MACROD2: variants seen among roughly 807,000 people sequenced by gnomAD.
MACROD2 encodes ADP-ribose glycohydrolase MACROD2.
In MACROD2, 36 loss-of-function variants were observed where a neutral mutation model predicts 70.4. The ratio of observed to expected loss-of-function variants is 0.51; its 90% CI spans 0.39 to 0.68. The LOEUF (loss-of-function observed/expected upper bound fraction) is 0.68, where lower values mean the gene tolerates loss of function less well. Ranked by LOEUF, MACROD2 falls within the 30% of genes least tolerant of loss-of-function variation. The pLI is 0.00. For missense variants in MACROD2, 496 were observed against 538.4 expected (o/e 0.92, Z 0.78); for synonymous variants, 172 against 178.8 (o/e 0.96, Z 0.30).
intron 5 of MACROD2, among the ~76,000 whole-genome samples, chr20:15,145,563 A>T (rs1011764917): frequency 6.6e-6 from 1 of 152,254 alleles, no homozygotes; most frequent in Middle Eastern, 3.4e-3. Context: ...AACATTTGCC[A>T]CTGTTCTTAA....
chr20:15,356,210 G>A (rs1023397511), intron 6 of MACROD2, among the ~76,000 whole-genome samples: 1 of 151,870 alleles, frequency 6.6e-6, no homozygotes, highest in Admixed American at 6.6e-5. Flanking sequence ...TTAACCTCTT[G>A]GTGCCTCAGT....
At chr20:14,795,715 T>A (rs1348068170) in intron 5 of MACROD2, among the ~76,000 whole-genome samples, 2 of 152,078 alleles carry the variant, frequency 1.3e-5, no homozygotes, top group African/African-American at 4.8e-5. Flanking sequence ...TTCGTTTTTT[T>A]AAAAATCATC....
At chr20:14,496,859 C>T (rs923882155) in intron 4 of MACROD2, among the ~76,000 whole-genome samples, 7 of 151,584 alleles carry the variant, frequency 4.6e-5, no homozygotes, top group African/African-American at 7.3e-5. Context: ...TTTGAAGTTC[C>T]GTTAATTTTT....
intron 2 of MACROD2, chr20:14,051,897 T>C (rs545359537): frequency 1.9e-6 from 1 of 517,082 alleles, no homozygotes; most frequent in African/African-American, 1.9e-5. Flanking sequence ...TACTATAAAC[T>C]TCTGAACCCT....
chr20:15,477,025 T>C (rs1039551687), intron 7 of MACROD2, among the ~76,000 whole-genome samples: 2 of 152,088 alleles, frequency 1.3e-5, no homozygotes, highest in African/African-American at 2.4e-5. Context: ...GATTTCCGCT[T>C]GGACTGATCT....
chr20:14,204,025 G>A (rs532775571), intron 3 of MACROD2, among the ~76,000 whole-genome samples: 25 of 152,196 alleles, frequency 1.6e-4, no homozygotes, highest in Non-Finnish European at 3.2e-4. Context: ...TTGGGCCCCT[G>A]AGTGGTACAT....
intron 8 of MACROD2, among the ~76,000 whole-genome samples, chr20:15,698,497 C>T (rs1389335094): frequency 1.3e-5 from 2 of 152,152 alleles, no homozygotes; most frequent in Non-Finnish European, 2.9e-5. Context: ...TGTCTCACAG[C>T]TCTTAAAATT....
In MACROD2 at chr20:15,046,273, G is replaced by A. The variant is rs60819333; in HGVS notation, c.419-183667G>A. 6.0e-3 allele frequency among the ~76,000 whole-genome samples: 910 copies of A among 152,006 alleles called. 10 individuals are homozygous for A. Among genetic ancestry groups the A allele is most frequent in the African/African-American group, 0.021 (873 of 41,476 alleles). On this transcript the variant is annotated intron_variant, in intron 5 of 17. Transcript: ENST00000684519. ...ATCAGTAATTTAAAAATATATCTCC[G>A]AACCTTCCCACATGATGACTTCTAA... is the stretch of plus-strand genomic sequence containing the variant.
intron 8 of MACROD2, among the ~76,000 whole-genome samples, chr20:15,514,043 A>G (rs1346384006): frequency 7.0e-6 from 1 of 141,992 alleles, no homozygotes; most frequent in African/African-American, 2.5e-5. Flanking sequence ...GAAAAAACTT[A>G]CAGAATAAGG....
intron 8 of MACROD2, among the ~76,000 whole-genome samples, chr20:15,540,179 C>A (rs541180980): frequency 6.6e-6 from 1 of 152,272 alleles, no homozygotes; most frequent in African/African-American, 2.4e-5. Context: ...GGTGCATGAA[C>A]TAAAATATTG....
At chr20:15,458,343 C>T (rs6110609) in intron 7 of MACROD2, among the ~76,000 whole-genome samples, 2 of 152,192 alleles carry the variant, frequency 1.3e-5, no homozygotes, top group South Asian at 4.1e-4. Flanking sequence ...AGATCACAGC[C>T]TCATTTTTAT....
At chr20:15,346,852 G>A (rs1026984411) in intron 6 of MACROD2, among the ~76,000 whole-genome samples, 1 of 152,188 alleles carries the variant, frequency 6.6e-6, no homozygotes, top group African/African-American at 2.4e-5. Flanking sequence ...GAAACCTGTA[G>A]TGTGCTGAGT....
At chr20:15,193,953 G>T (rs1298710560) in intron 5 of MACROD2, among the ~76,000 whole-genome samples, 2 of 151,478 alleles carry the variant, frequency 1.3e-5, no homozygotes, top group East Asian at 3.9e-4. Context: ...AAGTTTAAAA[G>T]AAATCAGGTA....
At chr20:14,343,881 A>G (rs2083039187) in intron 3 of MACROD2, among the ~76,000 whole-genome samples, 1 of 152,232 alleles carries the variant, frequency 6.6e-6, no homozygotes. Flanking sequence ...GTAGCCAGCT[A>G]CTGCTGTCAG....
chr20:15,809,205 T>G (rs2063795784), intron 8 of MACROD2, among the ~76,000 whole-genome samples: 1 of 152,198 alleles, frequency 6.6e-6, no homozygotes, highest in Non-Finnish European at 1.5e-5. Flanking sequence ...AATCTTACCA[T>G]AACCTGCAAG....
At chr20:14,663,740 T>C (rs945700863) in intron 4 of MACROD2, among the ~76,000 whole-genome samples, 5 of 152,072 alleles carry the variant, frequency 3.3e-5, no homozygotes, top group African/African-American at 7.2e-5. Flanking sequence ...AAAGGGATCA[T>C]ACCATATGTA....
chr20:14,715,459 G>A (rs955246276), intron 5 of MACROD2, among the ~76,000 whole-genome samples: 2 of 152,202 alleles, frequency 1.3e-5, no homozygotes, highest in Non-Finnish European at 2.9e-5. Flanking sequence ...TTTTAAAAAA[G>A]TGTTACATAG....
At chr20:15,110,707 C>T (rs2075947677) in intron 5 of MACROD2, among the ~76,000 whole-genome samples, 1 of 152,162 alleles carries the variant, frequency 6.6e-6, no homozygotes, top group Non-Finnish European at 1.5e-5. Context: ...CCAGATTCTC[C>T]TTCTGCGAGG....
intron 4 of MACROD2, among the ~76,000 whole-genome samples, chr20:14,511,297 G>A (rs757464514): frequency 1.3e-5 from 2 of 151,836 alleles, no homozygotes; most frequent in Non-Finnish European, 2.9e-5. Flanking sequence ...AATGTAAAAG[G>A]GTAAATGCTT....
Sources: gnomAD v4.1 joint callset for allele counts (sites outside exome capture counted in the v4.1 genomes callset) on GRCh38, gnomAD v4.1.1 for gene constraint, MANE v1.5 for transcripts, NCBI Gene and HGNC (gene_info 2026-07-23, HGNC 2026-07-21) for gene names.